SRGAP2: variants seen among roughly 807,000 people sequenced by gnomAD.
The protein encoded by SRGAP2 is SLIT-ROBO Rho GTPase activating protein 2.
A neutral mutation model predicts 57.2 loss-of-function variants in SRGAP2; 15 were observed. The observed-to-expected ratio is 0.26, with a 90% CI of 0.18 to 0.40. The LOEUF is 0.40. SRGAP2 is among the 10% of genes least tolerant of loss of function. The pLI, the probability that SRGAP2 is intolerant of heterozygous loss-of-function variation, is 1.00. For synonymous variants in SRGAP2, 249 were observed against 248.0 expected (o/e 1.00, Z -0.04); for missense variants, 520 against 669.6 (o/e 0.78, Z 2.47).
At chr1:206,423,649 C>A (rs1280467475) in intron 13 of SRGAP2, among the ~76,000 whole-genome samples, 3 of 152,170 alleles carry the variant, frequency 2.0e-5, no homozygotes, top group Admixed American at 2.0e-4. Context: ...TTTGTATTTT[C>A]TCCCTTGGTA....
intron 2 of SRGAP2, among the ~76,000 whole-genome samples, chr1:206,240,822 T>C (rs1311130184): frequency 1.6e-4 from 25 of 152,130 alleles, no homozygotes; most frequent in Non-Finnish European, 2.6e-4. Context: ...GCTTTTCCCA[T>C]AGGGCTGCTG....
intron 2 of SRGAP2, among the ~76,000 whole-genome samples, chr1:206,283,937 G>T (rs1272013990): frequency 1.6e-5 from 2 of 126,622 alleles, no homozygotes; most frequent in Admixed American, 1.6e-4. Context: ...TTATGTAAGC[G>T]TGTGATTTGT....
chr1:206,434,062 A>G (rs1284979008), intron 14 of SRGAP2, among the ~76,000 whole-genome samples: 1 of 152,224 alleles, frequency 6.6e-6, no homozygotes, highest in African/African-American at 2.4e-5. Context: ...TTTTGTGTAT[A>G]GGCATCTAAT....
chr1:206,311,548 G>A (rs1199124912), intron 3 of SRGAP2, among the ~76,000 whole-genome samples: 2 of 152,246 alleles, frequency 1.3e-5, no homozygotes, highest in Admixed American at 6.5e-5. Context: ...ATTAGAAAAG[G>A]CTAACAGAAG....
chr1:206,216,330 G>A (rs868979683), intron 2 of SRGAP2, among the ~76,000 whole-genome samples: 7 of 152,278 alleles, frequency 4.6e-5, no homozygotes, highest in East Asian at 3.9e-4. Flanking sequence ...TGAAATTCCC[G>A]AGAGTTTAAA....
At chr1:206,282,771 GAA>G (rs1384695106) in intron 2 of SRGAP2, among the ~76,000 whole-genome samples, 13 of 151,994 alleles carry the variant, frequency 8.6e-5, no homozygotes, top group African/African-American at 3.1e-4. Context: ...CTCTGAAAAT[GAA>G]AAGTCTCACA....
Position 206,464,198 on chromosome 1 carries a change from G to C in SRGAP2, c.*2778G>C, listed in dbSNP as rs1664433169. The C allele has an allele frequency of 6.5e-6, 1 of 152,678 alleles. No individual in the cohort carries two copies. Among genetic ancestry groups the C allele is most frequent in the African/African-American group, 2.4e-5 (1 of 41,474 alleles). 9.5% of individuals were successfully genotyped at this position (152,678 alleles called of 1,614,324 possible). On this transcript the variant is annotated 3_prime_UTR_variant, in exon 23 of 23. Transcript: ENST00000573034. ...GCAGAGCACTGGAAGGGCTGGTGCA[G>C]ATCTACTTCCCATGCAGAAGAGAAG... is the stretch of plus-strand genomic sequence containing the variant.
intron 2 of SRGAP2, among the ~76,000 whole-genome samples, chr1:206,241,245 A>G (rs1200827000): frequency 6.6e-6 from 1 of 152,264 alleles, no homozygotes; most frequent in East Asian, 1.9e-4. Flanking sequence ...AGAGAAGAAG[A>G]GAGAGAAACT....
At chr1:206,431,179 A>C (rs1661250267) in intron 14 of SRGAP2, among the ~76,000 whole-genome samples, 1 of 152,180 alleles carries the variant, frequency 6.6e-6, no homozygotes, top group Non-Finnish European at 1.5e-5. Flanking sequence ...AATTGATCTC[A>C]TTCTAATCAG....
chr1:206,435,809 T>A (rs1480853261), intron 14 of SRGAP2, among the ~76,000 whole-genome samples: 2 of 152,234 alleles, frequency 1.3e-5, no homozygotes, highest in Admixed American at 6.5e-5. Context: ...GACCAAGTAA[T>A]TTATTTCTGT....
chr1:206,421,600 T>C (rs1334104330), intron 13 of SRGAP2, among the ~76,000 whole-genome samples: 1 of 152,240 alleles, frequency 6.6e-6, no homozygotes, highest in Non-Finnish European at 1.5e-5. Context: ...TGACACTTCC[T>C]ACATTTGTGC....
At chr1:206,261,197 A>T (rs1181838320) in intron 2 of SRGAP2, among the ~76,000 whole-genome samples, 1 of 145,254 alleles carries the variant, frequency 6.9e-6, no homozygotes, top group African/African-American at 2.6e-5. Context: ...GTGCAGAAGT[A>T]TGCAAGGGAA....
intron 13 of SRGAP2, among the ~76,000 whole-genome samples, chr1:206,422,780 A>C (rs116643458): frequency 0.012 from 1,902 of 152,342 alleles, 53 homozygotes; most frequent in African/African-American, 0.043. Context: ...CCTGCTGCAC[A>C]TAAGCAGTTG....
At chr1:206,230,105 C>T (rs1408421046) in intron 2 of SRGAP2, among the ~76,000 whole-genome samples, 1 of 152,186 alleles carries the variant, frequency 6.6e-6, no homozygotes, top group Non-Finnish European at 1.5e-5. Flanking sequence ...AACTATTTGT[C>T]CCTTCGTAAA....
At chr1:206,399,899 C>A (rs1270207757) in intron 7 of SRGAP2, among the ~76,000 whole-genome samples, 2 of 151,194 alleles carry the variant, frequency 1.3e-5, no homozygotes, top group Non-Finnish European at 3.0e-5. Context: ...TAATGTCTTT[C>A]CATCCTCTGC....
chr1:206,383,771 C>T (rs1655928548), intron 4 of SRGAP2, among the ~76,000 whole-genome samples: 1 of 146,888 alleles, frequency 6.8e-6, no homozygotes, highest in Non-Finnish European at 1.5e-5. Flanking sequence ...AGGCTACCAC[C>T]CTTTTTCCCT....
In SRGAP2 at chr1:206,439,977, A is replaced by G; in HGVS notation, c.1770A>G (p.Thr590=). 1 of 780,720 alleles carries G rather than the reference A, an allele frequency of 1.3e-6. No homozygotes were observed. Among genetic ancestry groups the G allele is most frequent in the Non-Finnish European group, 2.4e-6 (1 of 417,906 alleles). 48.4% of individuals were successfully genotyped at this position (780,720 alleles called of 1,614,324 possible). The part of the protein sequence containing the change: ...DIFHDLMACV[T]MDNLQERALH... ...AACACATGGCTTTCTTCTTTTCAGC[A>G]ATGGACAACCTGCAGGAGAGAGCTC... Residue 590 remains threonine (T), a splice_region_variant and synonymous_variant, in exon 17 of 23, where the codon ACA becomes ACG. Coordinates refer to ENST00000573034, the MANE Select transcript of SRGAP2 (RefSeq NM_015326.5).
In SRGAP2 at chr1:206,461,281, A is replaced by G. The variant is rs1664248717; in HGVS notation, c.3077A>G (p.Lys1026Arg). ...GDIACAFRPV[K>R]SVKMAAPVKP... is the part of the protein sequence containing the mutation. ...ATCGCCTGCGCCTTCCGGCCTGTCA[A>G]GTCTGTCAAGATGGCTGCCCCGGTC... is the stretch of plus-strand genomic sequence containing the variant. Residue 1026 changes from lysine (K) to arginine (R), a missense_variant, in exon 23 of 23, where the codon AAG becomes AGG. Around this residue, in one of 5 missense-constraint regions of SRGAP2, gnomAD observed 478 missense variants for 373.6 expected, o/e 1.28. Coordinates refer to ENST00000573034, the MANE Select transcript of SRGAP2 (RefSeq NM_015326.5). 2 of 780,808 alleles carry G rather than the reference A, an allele frequency of 2.6e-6. No homozygotes were observed. Among genetic ancestry groups the G allele is most frequent in the Non-Finnish European group, 4.8e-6 (2 of 418,002 alleles). 48.4% of individuals were successfully genotyped at this position (780,808 alleles called of 1,614,324 possible).
At position 206,213,164 on chromosome 1, in the gene SRGAP2, C is replaced by T. The variant is rs554786708; in HGVS notation, c.67+7127C>T. On this transcript the variant is annotated intron_variant, in intron 2 of 22. Transcript: ENST00000573034. ...TGAGATCTCGCCATTGCACTGCAGC[C>T]TGGGCAACAAGAGCGAGACTCCATT... Among the ~76,000 whole-genome samples the T allele has an allele frequency of 3.2e-4, 48 of 152,118 alleles. No homozygotes were observed. The South Asian group carries it at 1.0e-2, about 32-fold the overall frequency.
Sources: gnomAD v4.1 joint callset for allele counts (sites outside exome capture counted in the v4.1 genomes callset) on GRCh38, gnomAD v4.1.1 for gene constraint, gnomAD v4.1.1 regional missense constraint, MANE v1.5 for transcripts, NCBI Gene and HGNC (gene_info 2026-07-23, HGNC 2026-07-21) for gene names.